Variants in TCF7L1 observed in about 807,000 individuals in gnomAD.
TCF7L1 encodes the protein transcription factor 7-like 1.
A neutral mutation model predicts 63.7 loss-of-function variants in TCF7L1; 18 were observed. The ratio of observed to expected loss-of-function variants is 0.28; its 90% CI spans 0.20 to 0.42. The LOEUF is 0.42. TCF7L1 is among the 10% of genes least tolerant of loss of function. TCF7L1 has a pLI of 1.00. For missense variants in TCF7L1, 654 were observed against 779.3 expected, an observed-to-expected ratio of 0.84 and a Z score of 1.91; for synonymous variants, 355 against 340.9, an observed-to-expected ratio of 1.04 and a Z score of -0.46.
At position 85,303,955 on chromosome 2, in the gene TCF7L1, C is replaced by A. The variant is rs1295007629; in HGVS notation, c.719C>A (p.Ala240Asp). 5 of 1,613,840 alleles carry A rather than the reference C, an allele frequency of 3.1e-6. No individual in the cohort carries two copies. Among genetic ancestry groups the A allele is most frequent in the Non-Finnish European group, 4.2e-6 (5 of 1,179,842 alleles). ...LSPYYPLSPGAVGQIPHPLGW... is the reference protein window; with the variant it reads ...LSPYYPLSPGDVGQIPHPLGW... ...CCGTATTACCCACTCTCTCCCGGAG[C>A]TGTCGGACAAATCCCCCACCCCCTC... The change falls in exon 6 of 12, where the codon GCT becomes GAT. Residue 240 changes from alanine to aspartate, a missense_variant. Transcript: ENST00000282111.
At position 85,133,441 on chromosome 2, in the gene TCF7L1, G is replaced by A. The variant is rs1677499819; in HGVS notation, c.-244G>A. ...GGGCTGGGACGCCCCGGCGGAGCAG[G>A]CGGCGGCGGTGGCGAGTTGGGGAGC... On this transcript the variant is annotated 5_prime_UTR_variant, in exon 1 of 12. Coordinates refer to ENST00000282111, the MANE Select transcript of TCF7L1 (RefSeq NM_031283.3). This position sits in a 1 kb window ranked among gnomAD's most constrained non-coding sequence, Gnocchi z 4.4. 1 of 151,494 alleles carries A rather than the reference G, an allele frequency of 6.6e-6. No individual in the cohort carries two copies. The allele number at this position is 151,494 out of a possible 1,614,324, so 9.4% of individuals were successfully genotyped here. A position where few individuals can be genotyped will look rare whatever the true frequency, so the allele number is the denominator to read the frequency against.
intron 3 of TCF7L1, among the ~76,000 whole-genome samples, chr2:85,236,169 C>CA (rs1196221476): frequency 4.5e-5 from 6 of 132,482 alleles, no homozygotes; most frequent in African/African-American, 2.5e-4. Flanking sequence ...CGCCATCCCC[C>CA]CCCCAAAAAA....
Position 85,259,192 on chromosome 2 carries a change from G to C in TCF7L1, c.442-24303G>C, listed in dbSNP as rs575022007. 5.3e-5 allele frequency among the ~76,000 whole-genome samples: 8 copies of C among 152,356 alleles called. No homozygotes were observed. In the East Asian group the frequency reaches 1.3e-3, roughly 26 times the overall value. On this transcript the variant is annotated intron_variant, in intron 3 of 11. Transcript: ENST00000282111. ...GTGAGTATTTGTGGAATGAGCGGCCGAGCCGCTGCAGACTGATGAGTGTTC... is the reference window on the plus strand; with the variant it reads ...GTGAGTATTTGTGGAATGAGCGGCCCAGCCGCTGCAGACTGATGAGTGTTC...
intron 3 of TCF7L1, among the ~76,000 whole-genome samples, chr2:85,218,412 T>C (rs1679758971): frequency 6.6e-6 from 1 of 152,056 alleles, no homozygotes. Context: ...CATGCCACCA[T>C]GCCTGGCTAA....
chr2:85,191,476 C>T (rs979914378), intron 3 of TCF7L1, among the ~76,000 whole-genome samples: 3 of 152,226 alleles, frequency 2.0e-5, no homozygotes, highest in South Asian at 4.1e-4. Flanking sequence ...TGGCACCTCT[C>T]ATAGGGTTAG....
rs143578442 is a variant in TCF7L1 at position 85,254,134 on chromosome 2, C to T, written c.442-29361C>T. ...GGAGTGCCTTATTTGAGGCTGCTCT[C>T]GCATCATCTCATTAGGGATAATCAT... On this transcript the variant is annotated intron_variant, in intron 3 of 11. Coordinates refer to ENST00000282111, the MANE Select transcript of TCF7L1 (RefSeq NM_031283.3). Among the ~76,000 whole-genome samples the T allele has an allele frequency of 3.3e-5, 5 of 152,386 alleles. No individual in the cohort carries two copies. In the South Asian group the frequency reaches 8.3e-4, roughly 25 times the overall value.
intron 3 of TCF7L1, among the ~76,000 whole-genome samples, chr2:85,280,437 T>C (rs1025367706): frequency 6.6e-6 from 1 of 152,112 alleles, no homozygotes; most frequent in Admixed American, 6.5e-5. Context: ...CCCAAAACTC[T>C]AGCACCATCC....
chr2:85,187,759 T>G (rs973249922), intron 3 of TCF7L1, among the ~76,000 whole-genome samples: 7 of 152,200 alleles, frequency 4.6e-5, no homozygotes, highest in Non-Finnish European at 7.3e-5. Flanking sequence ...GGAAGAGAGA[T>G]TCCTTTATTC....
At chr2:85,143,103 TG>T (rs1406281173) in intron 3 of TCF7L1, among the ~76,000 whole-genome samples, 1 of 152,234 alleles carries the variant, frequency 6.6e-6, no homozygotes, top group East Asian at 1.9e-4. Flanking sequence ...TCTAATTATC[TG>T]GGGTCCTCAG....
intron 3 of TCF7L1, among the ~76,000 whole-genome samples, chr2:85,168,557 G>C (rs1678473901): frequency 6.6e-6 from 1 of 152,034 alleles, no homozygotes. Flanking sequence ...CCACCGCCTG[G>C]TAGAGCTGCG....
At chr2:85,164,212 T>C (rs1678356722) in intron 3 of TCF7L1, among the ~76,000 whole-genome samples, 1 of 152,190 alleles carries the variant, frequency 6.6e-6, no homozygotes, top group South Asian at 2.1e-4. Context: ...ACCTGCCCAC[T>C]GACTGGCGTC....
At chr2:85,164,499 G>A (rs775943782) in intron 3 of TCF7L1, among the ~76,000 whole-genome samples, 2 of 152,134 alleles carry the variant, frequency 1.3e-5, no homozygotes, top group Non-Finnish European at 2.9e-5. Flanking sequence ...AACAGGTTGG[G>A]GAGTGGCAGG....
intron 3 of TCF7L1, among the ~76,000 whole-genome samples, chr2:85,259,881 C>T (rs972125393): frequency 1.3e-5 from 2 of 152,186 alleles, no homozygotes; most frequent in African/African-American, 4.8e-5. Flanking sequence ...TGGCTGGACC[C>T]TGCAGAAGCT....
intron 3 of TCF7L1, among the ~76,000 whole-genome samples, chr2:85,268,311 C>G (rs1224803096): frequency 1.3e-5 from 2 of 152,136 alleles, no homozygotes; most frequent in African/African-American, 4.8e-5. Context: ...GACAACATTT[C>G]CACTAGAGCT....
At chr2:85,150,538 T>C (rs1677984748) in intron 3 of TCF7L1, among the ~76,000 whole-genome samples, 1 of 152,132 alleles carries the variant, frequency 6.6e-6, no homozygotes, top group African/African-American at 2.4e-5. Context: ...GGCCATGTTC[T>C]TGACTCTTTA....
chr2:85,283,349 A>G, intron 3 of TCF7L1, 146 bp from the exon 4 acceptor site: 3 of 727,618 alleles, frequency 4.1e-6, no homozygotes, highest in Non-Finnish European at 7.1e-6. Context: ...TCGTTTGGAA[A>G]TTGACCCAGT....
intron 3 of TCF7L1, among the ~76,000 whole-genome samples, chr2:85,267,632 G>A (rs1381346978): frequency 2.8e-5 from 4 of 145,248 alleles, no homozygotes; most frequent in South Asian, 2.2e-4. Context: ...CTGGGCGACA[G>A]AGGAAAGACT....
intron 3 of TCF7L1, among the ~76,000 whole-genome samples, chr2:85,180,036 C>T (rs1333844906): frequency 6.6e-6 from 1 of 151,946 alleles, no homozygotes; most frequent in Non-Finnish European, 1.5e-5. Flanking sequence ...TAGGGTGTCA[C>T]TGCCCAGGAC....
intron 3 of TCF7L1, among the ~76,000 whole-genome samples, chr2:85,140,969 G>A (rs1004313613): frequency 2.0e-5 from 3 of 151,740 alleles, no homozygotes; most frequent in Non-Finnish European, 2.9e-5. Flanking sequence ...GAGAGAGAGG[G>A]GACAAGAAGA....
Sources: allele counts gnomAD v4.1 joint callset (sites outside exome capture counted in the v4.1 genomes callset), GRCh38; gene constraint gnomAD v4.1.1; non-coding constraint Gnocchi (gnomAD v3.1); transcripts MANE v1.5; gene names NCBI Gene and HGNC (gene_info 2026-07-23, HGNC 2026-07-21).